The following STK39 variants were observed in gnomAD, a reference collection of about 807,000 sequenced individuals.
STK39 encodes serine/threonine kinase 39.
In STK39, 20 loss-of-function variants were observed where a neutral mutation model predicts 77.8. The observed-to-expected ratio is 0.26, with a 90% confidence interval of 0.18 to 0.37. STK39 has a LOEUF of 0.37. Ranked by LOEUF, STK39 falls within the 10% of genes least tolerant of loss-of-function variation. The pLI, the probability that STK39 is intolerant of heterozygous loss-of-function variation, is 1.00. For missense variants in STK39, 479 were observed against 656.5 expected (o/e 0.73, Z 2.95); for synonymous variants, 246 against 234.1 (o/e 1.05, Z -0.47).
chr2:168,097,534 G>A (rs1457895796), intron 10 of STK39, among the ~76,000 whole-genome samples: 44 of 152,238 alleles, frequency 2.9e-4, no homozygotes, highest in Non-Finnish European at 1.5e-5. Context: ...AGACACACCT[G>A]AGCAACACAG....
At chr2:168,039,953 C>A (rs1186540953) in intron 14 of STK39, among the ~76,000 whole-genome samples, 4 of 152,174 alleles carry the variant, frequency 2.6e-5, no homozygotes. Context: ...CATTCAGGCA[C>A]TGCCTCCCTT....
chr2:168,071,363 T>C (rs1204480343), intron 12 of STK39, among the ~76,000 whole-genome samples: 1 of 152,200 alleles, frequency 6.6e-6, no homozygotes, highest in African/African-American at 2.4e-5. Flanking sequence ...TTCATTTTTT[T>C]CATAAAATAC....
chr2:167,967,677 T>C (rs1692195732), intron 16 of STK39, among the ~76,000 whole-genome samples: 1 of 152,170 alleles, frequency 6.6e-6, no homozygotes, highest in Admixed American at 6.5e-5. Context: ...CTAGGGGTAA[T>C]CCACTGGAGG....
At chr2:168,051,884 G>C (rs973174064) in intron 14 of STK39, among the ~76,000 whole-genome samples, 3 of 152,106 alleles carry the variant, frequency 2.0e-5, no homozygotes, top group Non-Finnish European at 4.4e-5. Context: ...CTGCCTCAGA[G>C]AGACAGCCAT....
chr2:168,242,952 A>G (rs1244735468), intron 1 of STK39, among the ~76,000 whole-genome samples: 1 of 151,826 alleles, frequency 6.6e-6, no homozygotes, highest in East Asian at 1.9e-4. Context: ...CTATTTATTA[A>G]AAAAGAAAGT....
At chr2:168,107,046 A>G (rs954662515) in intron 10 of STK39, among the ~76,000 whole-genome samples, 1 of 152,292 alleles carries the variant, frequency 6.6e-6, no homozygotes, top group South Asian at 2.1e-4. Context: ...CGTAATTTTA[A>G]ATTTAAAAAA....
At chr2:167,994,835 C>T (rs1320438564) in intron 16 of STK39, among the ~76,000 whole-genome samples, 1 of 152,114 alleles carries the variant, frequency 6.6e-6, no homozygotes, top group African/African-American at 2.4e-5. Context: ...GTCTCCAGTA[C>T]AGCTACAGAG....
chr2:168,221,572 C>A (rs1283006630), intron 1 of STK39, among the ~76,000 whole-genome samples: 1 of 152,148 alleles, frequency 6.6e-6, no homozygotes, highest in East Asian at 1.9e-4. Context: ...GAAATCCCTT[C>A]CTTTAGGATC....
chr2:168,114,296 A>G (rs1687200801), intron 10 of STK39, among the ~76,000 whole-genome samples: 1 of 152,208 alleles, frequency 6.6e-6, no homozygotes, highest in South Asian at 2.1e-4. Flanking sequence ...TAATTTCCTT[A>G]AGAAAATAAA....
intron 8 of STK39, among the ~76,000 whole-genome samples, chr2:168,131,379 T>C (rs1417011374): frequency 1.3e-5 from 2 of 152,110 alleles, no homozygotes; most frequent in East Asian, 3.8e-4. Flanking sequence ...AATAATATTG[T>C]AGCAGGGGGT....
intron 12 of STK39, among the ~76,000 whole-genome samples, chr2:168,067,466 C>A (rs1213898406): frequency 6.6e-6 from 1 of 152,190 alleles, no homozygotes; most frequent in African/African-American, 2.4e-5. Context: ...CCACCATGAG[C>A]AAAAGCTCCC....
intron 10 of STK39, among the ~76,000 whole-genome samples, chr2:168,127,785 A>G (rs948544238): frequency 6.6e-6 from 1 of 152,200 alleles, no homozygotes; most frequent in African/African-American, 2.4e-5. Context: ...GAAAGAATAG[A>G]AACGGGGAAT....
intron 14 of STK39, among the ~76,000 whole-genome samples, chr2:168,030,007 G>A (rs997874320): frequency 3.3e-5 from 5 of 152,168 alleles, no homozygotes; most frequent in African/African-American, 7.2e-5. Context: ...TTGGGAGGCC[G>A]AGGTGGGCGG....
intron 14 of STK39, among the ~76,000 whole-genome samples, chr2:168,030,476 G>T (rs933912478): frequency 1.3e-5 from 2 of 152,118 alleles, no homozygotes; most frequent in South Asian, 4.2e-4. Flanking sequence ...TACTATTAAT[G>T]TATATGTGTA....
chr2:167,966,653 A>G (rs1692167887), intron 16 of STK39, among the ~76,000 whole-genome samples: 1 of 152,166 alleles, frequency 6.6e-6, no homozygotes, highest in Non-Finnish European at 1.5e-5. Context: ...GGAATGTGTC[A>G]AGCAACTTGG....
intron 1 of STK39, among the ~76,000 whole-genome samples, chr2:168,216,853 G>A (rs757687703): frequency 6.6e-6 from 1 of 152,148 alleles, no homozygotes; most frequent in Non-Finnish European, 1.5e-5. Context: ...TCCCCAGCTT[G>A]GTGACTACCT....
chr2:167,993,602 T>C (rs1179543930), intron 16 of STK39, among the ~76,000 whole-genome samples: 1 of 152,226 alleles, frequency 6.6e-6, no homozygotes, highest in Non-Finnish European at 1.5e-5. Flanking sequence ...CCCCAGGTCC[T>C]GGCTGATACC....
chr2:168,014,959 G>A (rs1164494621), intron 15 of STK39, among the ~76,000 whole-genome samples: 3 of 152,202 alleles, frequency 2.0e-5, no homozygotes. Context: ...GGACTCCTGG[G>A]CACCAGATGA....
intron 1 of STK39, among the ~76,000 whole-genome samples, chr2:168,201,631 A>G (rs1307950433): frequency 6.6e-6 from 1 of 152,218 alleles, no homozygotes; most frequent in Non-Finnish European, 1.5e-5. Flanking sequence ...GAGTAGAAGG[A>G]ATGCGGCCAT....
Sources: gnomAD v4.1 joint callset for allele counts (sites outside exome capture counted in the v4.1 genomes callset) on GRCh38, gnomAD v4.1.1 for gene constraint, MANE v1.5 for transcripts, NCBI Gene and HGNC (gene_info 2026-07-23, HGNC 2026-07-21) for gene names.